The following RRP8 variants were observed in gnomAD, a reference collection of about 807,000 sequenced individuals.
RRP8 encodes the protein ribosomal RNA processing 8, also known as ribosomal RNA-processing protein 8.
A neutral mutation model predicts 45.0 loss-of-function variants in RRP8; 48 were observed. The ratio of observed to expected loss-of-function variants is 1.07; its 90% CI spans 0.85 to 1.36. RRP8 has a LOEUF of 1.36. RRP8 is among the 40% of genes most tolerant of loss of function. RRP8 has a pLI of 0.00. For missense variants in RRP8, 658 were observed against 573.7 expected, an observed-to-expected ratio of 1.15 and a Z score of -1.50; for synonymous variants, 274 against 212.4, an observed-to-expected ratio of 1.29 and a Z score of -2.52.
In RRP8 at chr11:6,600,114, A is replaced by G; in HGVS notation, c.*32T>C. ...CACAGTTCTGAGCCTGGAGTTTGAG[A>G]TCTGCCTCCCCTTTCAAGGAAGATC... On this transcript the variant is annotated 3_prime_UTR_variant, in exon 7 of 7. Transcript: ENST00000254605. The G allele has an allele frequency of 7.2e-7, 1 of 1,394,958 alleles. No homozygotes were observed. Among genetic ancestry groups the G allele is most frequent in the Non-Finnish European group, 9.8e-7 (1 of 1,022,252 alleles). The allele number at this position is 1,394,958 out of a possible 1,614,324, so 86.4% of individuals were successfully genotyped here.
rs985936718 is a variant in RRP8 at position 6,600,074 on chromosome 11, G to A, written c.*72C>T. 11 of 1,027,074 alleles carry A rather than the reference G, an allele frequency of 1.1e-5. No homozygotes were observed. The highest frequency in any genetic ancestry group is 3.3e-5 in the African/African-American group (2 of 61,494). 63.6% of individuals were successfully genotyped at this position (1,027,074 alleles called of 1,614,324 possible). A position where few individuals can be genotyped will look rare whatever the true frequency, so the allele number is the denominator to read the frequency against. On this transcript the variant is annotated 3_prime_UTR_variant, in exon 7 of 7. Transcript: ENST00000254605. The stretch of plus-strand genomic sequence containing the variant: ...GAACCAGGTCTTGGCTCACAGCCAG[G>A]CTGGAAACAGTCTTCACAGTTCTGA...
Position 6,601,363 on chromosome 11 carries a change from C to T in RRP8, c.703G>A (p.Ala235Thr). The T allele has an allele frequency of 3.7e-6, 6 of 1,614,102 alleles. No homozygotes were observed. The highest frequency in any genetic ancestry group is 3.3e-5 in the South Asian group (3 of 91,070). The part of the protein sequence containing the change: ...VPRTDSHEAR[A>T]GALRARMAQR... ...GCCATGCGGGCTCGCAAAGCCCCTG[C>T]CCGAGCCTCATGGCTGTCTGTCCTG... Residue 235 changes from alanine (A) to threonine (T), a missense_variant, in exon 3 of 7, where the codon GCA becomes ACA. Ala to Thr is a moderately conservative substitution (Grantham distance 58). Coordinates refer to ENST00000254605, the MANE Select transcript of RRP8 (RefSeq NM_015324.4).
chr11:6,602,934 A>G (rs932443998), intron 1 of RRP8, among the ~76,000 whole-genome samples: 1 of 152,102 alleles, frequency 6.6e-6, no homozygotes, highest in Non-Finnish European at 1.5e-5. Context: ...GATACTGACA[A>G]CTCTTACTGT....
Position 6,600,907 on chromosome 11 carries a change from A to G in RRP8, c.1047+19T>C, listed in dbSNP as rs1225885665. ...GGAGGTTGGCCCTAGAGCACAAGCC[A>G]GATAACATAGGGGTTTACCTGGGCC... On this transcript the variant is annotated intron_variant, in intron 4 of 6. Coordinates refer to ENST00000254605, the MANE Select transcript of RRP8 (RefSeq NM_015324.4). 7 of 1,613,986 alleles carry G rather than the reference A, an allele frequency of 4.3e-6. No homozygotes were observed. The South Asian group carries it at 5.5e-5, about 13-fold the overall frequency.
rs1289163090 is a variant in RRP8 at position 6,603,313 on chromosome 11, T to C, written c.99+91A>G. ...GACTCGCCCTTAACGGTGCCACAGG[T>C]GTCCCTCCCCGCAATACACACAGCG... On this transcript the variant is annotated intron_variant, in intron 1 of 6. Transcript: ENST00000254605. 3 of 898,940 alleles carry C rather than the reference T, an allele frequency of 3.3e-6. No homozygotes were observed. In the East Asian group the frequency reaches 8.6e-5, roughly 26 times the overall value. The allele number at this position is 898,940 out of a possible 1,614,324, so 55.7% of individuals were successfully genotyped here.
In RRP8 at chr11:6,600,542, C is replaced by G. The variant is rs750541715; in HGVS notation, c.1195G>C (p.Asp399His). 1.2e-6 allele frequency: 2 copies of G among 1,614,110 alleles called. No homozygotes were observed. The highest frequency in any genetic ancestry group is 1.7e-6 in the Non-Finnish European group (2 of 1,180,022). ...ACAGCCCGCAGAAAGGTTCGAACAT[C>G]CTCAAAGCGGCTGCTGACCTCAGCC... Reference protein sequence around the residue: ...KVAEVSSRFEDVRTFLRAVTK... With the variant: ...KVAEVSSRFEHVRTFLRAVTK... The change falls in exon 6 of 7, where the codon GAT (aspartate) becomes CAT (histidine). Residue 399 changes from aspartate (D) to histidine (H), a missense_variant. Asp to His is a moderately conservative substitution (Grantham distance 81). Transcript: ENST00000254605.
Position 6,598,685 on chromosome 11 carries a change from A to C in RRP8, c.*1461T>G, listed in dbSNP as rs1854275415. ...TAGAGGCACTGTGTAGTGCCTGCCT[A>C]ATGATTCACAGCCCAGCCTCCAAAC... On this transcript the variant is annotated 3_prime_UTR_variant, in exon 7 of 7. Transcript: ENST00000254605. The C allele has an allele frequency of 6.6e-6, 1 of 152,190 alleles. No individual in the cohort carries two copies. Among genetic ancestry groups the C allele is most frequent in the South Asian group, 2.1e-4 (1 of 4,832 alleles). The allele number at this position is 152,190 out of a possible 1,614,324, so 9.4% of individuals were successfully genotyped here.
chr11:6,601,899 T>G lies in RRP8; in HGVS notation c.416A>C (p.His139Pro), dbSNP rs753382551. The G allele has an allele frequency of 6.2e-7, 1 of 1,614,178 alleles. No individual in the cohort carries two copies. The highest frequency in any genetic ancestry group is 1.1e-5 in the South Asian group (1 of 91,076). Residue 139 changes from histidine to proline, a missense_variant, in exon 2 of 7, where the codon CAT becomes CCT. By Grantham distance (77) the His-to-Pro change is moderately conservative. Coordinates refer to ENST00000254605, the MANE Select transcript of RRP8 (RefSeq NM_015324.4). ...GTGCTGGGCTGAATTTATAGGGGCA[T>G]GTTTCTGGCATTTCCTCTTTCTTTT... The part of the protein sequence containing the change: ...DEKRKRKCQK[H>P]APINSAQHLD...
rs182558656 is a variant in RRP8, at chr11:6,602,182, G to C, written c.133C>G (p.Arg45Gly). The C allele has an allele frequency of 1.3e-6, 2 of 1,585,806 alleles. No homozygotes were observed. Among genetic ancestry groups the C allele is most frequent in the Admixed American group, 1.8e-5 (1 of 56,300 alleles). ...GAAAGAGATGCTGCCTCTAGGGCCC[G>C]TAATGTGGCCAAGAGCTGGCGGCGC... Reference protein sequence around the residue: ...SKRRQLLATLRALEAASLSQH... With the variant: ...SKRRQLLATLGALEAASLSQH... Residue 45 changes from arginine (R) to glycine (G), a missense_variant, in exon 2 of 7, where the codon CGG (arginine) becomes GGG (glycine). By Grantham distance (125) the Arg-to-Gly change is moderately radical (BLOSUM62 -2). Coordinates refer to ENST00000254605, the MANE Select transcript of RRP8 (RefSeq NM_015324.4).
chr11:6,599,458 C>G lies in RRP8; in HGVS notation c.*688G>C, dbSNP rs1030583401. Reference sequence around the variant, plus strand: ...ATCCAGGTCTACCTGATTCCAAAATCTGTGCTCTCAGCTATATACATCCCA... The same window carrying G: ...ATCCAGGTCTACCTGATTCCAAAATGTGTGCTCTCAGCTATATACATCCCA... On this transcript the variant is annotated 3_prime_UTR_variant, in exon 7 of 7. Transcript: ENST00000254605. 4 of 152,244 alleles carry G rather than the reference C, an allele frequency of 2.6e-5. No homozygotes were observed. Among genetic ancestry groups the G allele is most frequent in the Admixed American group, 2.0e-4 (3 of 15,284 alleles). 9.4% of individuals were successfully genotyped at this position (152,244 alleles called of 1,614,324 possible). A position where few individuals can be genotyped will look rare whatever the true frequency, so the allele number is the denominator to read the frequency against.
At chr11:6,602,267 G>A (rs756775471) in intron 1 of RRP8, 52 bp from the exon 2 acceptor site, 1 of 1,499,318 alleles carries the variant, frequency 6.7e-7, no homozygotes, top group Admixed American at 2.3e-5. Flanking sequence ...GATGAGGCCT[G>A]GAGAACAAGA....
chr11:6,600,885 G>C, intron 4 of RRP8, 41 bp downstream of exon 4: 1 of 1,613,650 alleles, frequency 6.2e-7, no homozygotes, highest in Non-Finnish European at 8.5e-7. Context: ...AGCATACGGA[G>C]GTTGGCCCTA....
chr11:6,600,812 G>A (rs775633655), intron 4 of RRP8, 37 bp from the exon 5 acceptor site: 2 of 1,607,620 alleles, frequency 1.2e-6, no homozygotes, highest in Non-Finnish European at 1.7e-6. Flanking sequence ...GGCACACAGT[G>A]CAGAAGAAGA....
intron 2 of RRP8, 50 bp downstream of exon 2, chr11:6,601,802 C>G: frequency 6.5e-7 from 1 of 1,530,564 alleles, no homozygotes; most frequent in Non-Finnish European, 8.8e-7. Context: ...ACCAGCTGAC[C>G]CCCCGACACA....
Position 6,600,245 on chromosome 11 carries a change from G to A in RRP8, c.1272C>T (p.Phe424=), listed in dbSNP as rs144962503. 2.5e-6 allele frequency: 4 copies of A among 1,600,128 alleles called. No homozygotes were observed. The highest frequency in any genetic ancestry group is 2.7e-5 in the African/African-American group (2 of 73,786). ...CAGTCTTTTGGAAATCAAACAAGAA[G>A]AAATGGCTGTTGGTCAGGTCCTAGG... is the stretch of plus-strand genomic sequence containing the variant. ...IVSKDLTNSH[F]FLFDFQKTGP... is the part of the protein sequence containing the mutation. Residue 424 remains phenylalanine, a synonymous_variant, in exon 7 of 7, where the codon TTC becomes TTT. Coordinates refer to ENST00000254605, the MANE Select transcript of RRP8 (RefSeq NM_015324.4).
intron 6 of RRP8, 83 bp from the exon 7 acceptor site, chr11:6,600,348 A>G (rs1854311666): frequency 3.0e-6 from 4 of 1,320,166 alleles, no homozygotes; most frequent in Non-Finnish European, 2.1e-6. Context: ...GCCTCTGCTC[A>G]CAAAGCTTCC....
Position 6,595,703 on chromosome 11 carries a change from T to C in RRP8, c.*4443A>G, listed in dbSNP as rs1348587948. 6.6e-6 allele frequency: 1 copy of C among 152,186 alleles called. No homozygotes were observed. The highest frequency in any genetic ancestry group is 1.5e-5 in the Non-Finnish European group (1 of 68,036). The allele number at this position is 152,186 out of a possible 1,614,324, so 9.4% of individuals were successfully genotyped here. A position where few individuals can be genotyped will look rare whatever the true frequency, so the allele number is the denominator to read the frequency against. On this transcript the variant is annotated 3_prime_UTR_variant, in exon 7 of 7. Coordinates refer to ENST00000254605, the MANE Select transcript of RRP8 (RefSeq NM_015324.4). Reference sequence around the variant, plus strand: ...CAAAAAGAAAGTGTTGACTGGCATCTGGCAAGATAATTAAATATCTGAAAC... The same window carrying C: ...CAAAAAGAAAGTGTTGACTGGCATCCGGCAAGATAATTAAATATCTGAAAC...
In RRP8 at chr11:6,603,473, C is replaced by G. The variant is rs749404044; in HGVS notation, c.30G>C (p.Ala10=). Residue 10 remains alanine (A), a synonymous_variant, in exon 1 of 7, where the codon GCG becomes GCC. Coordinates refer to ENST00000254605, the MANE Select transcript of RRP8 (RefSeq NM_015324.4). ...GCCCAAGGCCCGCGGCTACTGGGGC[C>G]GCCTCGGCCCACTCAGGCTCTTCGA... MFEEPEWAE[A]APVAAGLGPV... The G allele has an allele frequency of 5.7e-5, 91 of 1,597,902 alleles. No individual in the cohort carries two copies. The highest frequency in any genetic ancestry group is 6.9e-5 in the Non-Finnish European group (81 of 1,173,710).
rs1854326935 is a variant in RRP8 at position 6,600,702 on chromosome 11, A to G, written c.1121T>C (p.Phe374Ser). Residue 374 changes from phenylalanine (F) to serine (S), a missense_variant, in exon 5 of 7, where the codon TTC becomes TCC. Coordinates refer to ENST00000254605, the MANE Select transcript of RRP8 (RefSeq NM_015324.4). Reference protein sequence around the residue: ...LSLMGTNIRDFLEEANRVLKP... With the variant: ...LSLMGTNIRDSLEEANRVLKP... ...CAGTACTCTATTTGCCTCCTCTAGG[A>G]AGTCCCTGATGTTGGTTCCCATCAG... 1 of 1,613,986 alleles carries G rather than the reference A, an allele frequency of 6.2e-7. No individual in the cohort carries two copies. Among genetic ancestry groups the G allele is most frequent in the African/African-American group, 1.3e-5 (1 of 74,896 alleles).
Sources: allele counts gnomAD v4.1 joint callset (sites outside exome capture counted in the v4.1 genomes callset), GRCh38; gene constraint gnomAD v4.1.1; transcripts MANE v1.5; gene names NCBI Gene and HGNC (gene_info 2026-07-23, HGNC 2026-07-21).